The following COG5 variants were observed in gnomAD, a reference collection of about 807,000 sequenced individuals.
COG5 encodes conserved oligomeric Golgi complex subunit 5.
COG5 carries 86 observed loss-of-function variants against 110.4 expected under a neutral mutation model. The observed-to-expected ratio is 0.78, with a 90% CI of 0.65 to 0.93. The LOEUF is 0.93. Among genes scored for constraint, COG5 ranks in the 40% least tolerant of loss-of-function variants. The pLI is 0.00. For synonymous variants in COG5, 360 were observed against 334.6 expected, an observed-to-expected ratio of 1.08 and a Z score of -0.83; for missense variants, 1,077 against 987.0, an observed-to-expected ratio of 1.09 and a Z score of -1.22.
intron 16 of COG5, 85 bp from the exon 17 acceptor site, chr7:107,248,584 T>A (rs1584570570): frequency 1.2e-6 from 1 of 865,002 alleles, no homozygotes; most frequent in African/African-American, 1.7e-5. Context: ...AGAAACACCG[T>A]GACTAACAGT....
chr7:107,388,198 A>T (rs1413648884), intron 7 of COG5, among the ~76,000 whole-genome samples: 1 of 152,226 alleles, frequency 6.6e-6, no homozygotes, highest in Non-Finnish European at 1.5e-5. Flanking sequence ...ACCCTAGAGA[A>T]TTAGAACCTA....
chr7:107,515,349 T>C lies in COG5; in HGVS notation c.538+11888A>G, dbSNP rs180957350. ...AAGCAGACTTCATAAAACGAAGAGATTGATTCAGCCAAGAACATTAAAAAA... is the reference window on the plus strand; with the variant it reads ...AAGCAGACTTCATAAAACGAAGAGACTGATTCAGCCAAGAACATTAAAAAA... On this transcript the variant is annotated intron_variant, in intron 6 of 21. Coordinates refer to ENST00000297135, the MANE Select transcript of COG5 (RefSeq NM_006348.5). Among the ~76,000 whole-genome samples the C allele has an allele frequency of 1.8e-3, 281 of 152,218 alleles. 2 individuals are homozygous for C. The highest frequency in any genetic ancestry group is 6.5e-3 in the African/African-American group (272 of 41,556).
At chr7:107,476,138 C>T (rs1421517794) in intron 6 of COG5, among the ~76,000 whole-genome samples, 1 of 131,550 alleles carries the variant, frequency 7.6e-6, no homozygotes, top group African/African-American at 2.9e-5. Flanking sequence ...CCTCACTTTG[C>T]TTAAGTCTAA....
At chr7:107,548,668 T>G (rs943206212) in intron 3 of COG5, among the ~76,000 whole-genome samples, 1 of 152,224 alleles carries the variant, frequency 6.6e-6, no homozygotes, top group Non-Finnish European at 1.5e-5. Flanking sequence ...CTGAATTGTA[T>G]GTTTTAAAAT....
intron 6 of COG5, among the ~76,000 whole-genome samples, chr7:107,462,611 TAAAAAAAAA>T (rs370588173): frequency 1.8e-5 from 2 of 112,110 alleles, no homozygotes; most frequent in Admixed American, 1.9e-4. Context: ...GAAAAATGCC[TAAAAAAAAA>T]AAAAAAAAAA....
At chr7:107,411,569 A>G (rs1160799353) in intron 7 of COG5, among the ~76,000 whole-genome samples, 1 of 152,146 alleles carries the variant, frequency 6.6e-6, no homozygotes, top group East Asian at 1.9e-4. Context: ...TTTCACAGGT[A>G]TGTTCACACT....
At chr7:107,404,002 T>G (rs568605420) in intron 7 of COG5, among the ~76,000 whole-genome samples, 1 of 152,228 alleles carries the variant, frequency 6.6e-6, no homozygotes, top group South Asian at 2.1e-4. Context: ...CAACAGAAAG[T>G]AACAATTTAG....
chr7:107,357,908 A>T (rs142452424), intron 10 of COG5, among the ~76,000 whole-genome samples: 3 of 152,274 alleles, frequency 2.0e-5, no homozygotes, highest in African/African-American at 7.2e-5. Flanking sequence ...GCATCAAAAG[A>T]TTCTCTCACC....
At chr7:107,432,321 G>C (rs900335277) in intron 6 of COG5, among the ~76,000 whole-genome samples, 1 of 152,146 alleles carries the variant, frequency 6.6e-6, no homozygotes, top group Non-Finnish European at 1.5e-5. Context: ...AACACAGAGA[G>C]GTCAGACAAA....
intron 6 of COG5, among the ~76,000 whole-genome samples, chr7:107,422,297 T>G (rs1462867575): frequency 2.6e-5 from 4 of 152,246 alleles, no homozygotes; most frequent in Admixed American, 2.0e-4. Context: ...CCCAGGCTGT[T>G]GATTTTTAAG....
chr7:107,359,865 C>T (rs1240047901), intron 10 of COG5, among the ~76,000 whole-genome samples: 2 of 152,076 alleles, frequency 1.3e-5, no homozygotes, highest in East Asian at 3.9e-4. Flanking sequence ...GGGACCTACC[C>T]ACTCCAGGTC....
In COG5 at chr7:107,475,654, A is replaced by T. The variant is rs920382811; in HGVS notation, c.538+51583T>A. ...TTTTAAGGAATAAATACATAGCCTT[A>T]AAACAGTGTATAACTTTAAAATGTA... On this transcript the variant is annotated intron_variant, in intron 6 of 21. Transcript: ENST00000297135. The T allele has an allele frequency of 5.8e-5, 14 of 242,846 alleles. No individual in the cohort carries two copies. The South Asian group carries it at 1.8e-3, about 32-fold the overall frequency. 15.0% of individuals were successfully genotyped at this position (242,846 alleles called of 1,614,324 possible).
Position 107,474,418 on chromosome 7 carries a change from G to T in COG5, c.538+52819C>A. ...TGCTCTCATTTGCTGTTTCCATGAG[G>T]CTTGTGTATCTTTTGCAAGTGTCTC... On this transcript the variant is annotated intron_variant, in intron 6 of 21. Coordinates refer to ENST00000297135, the MANE Select transcript of COG5 (RefSeq NM_006348.5). This position sits in a 1 kb window ranked among gnomAD's most constrained non-coding sequence, Gnocchi z 5.7. 6.2e-7 allele frequency: 1 copy of T among 1,613,016 alleles called. No individual in the cohort carries two copies. The highest frequency in any genetic ancestry group is 8.5e-7 in the Non-Finnish European group (1 of 1,179,308).
At chr7:107,300,466 ACTGAATTTAG>A (rs1260118144) in intron 11 of COG5, among the ~76,000 whole-genome samples, 1 of 152,204 alleles carries the variant, frequency 6.6e-6, no homozygotes, top group African/African-American at 2.4e-5. Context: ...TAACATAATA[ACTGAATTTAG>A]CAAAGTTGCA....
At chr7:107,498,142 T>C (rs1212977847) in intron 6 of COG5, among the ~76,000 whole-genome samples, 1 of 152,178 alleles carries the variant, frequency 6.6e-6, no homozygotes, top group East Asian at 1.9e-4. Flanking sequence ...TCAGAATGGC[T>C]TAATGATTTA....
chr7:107,246,138 G>T (rs1444307622), intron 17 of COG5, among the ~76,000 whole-genome samples: 3 of 152,192 alleles, frequency 2.0e-5, no homozygotes, highest in African/African-American at 7.2e-5. Context: ...TCAAGAAATG[G>T]TGCTGGGCTA....
At chr7:107,280,261 T>C (rs562130648) in intron 14 of COG5, among the ~76,000 whole-genome samples, 28 of 152,198 alleles carry the variant, frequency 1.8e-4, no homozygotes, top group African/African-American at 6.5e-4. Flanking sequence ...GCTTCTAAGA[T>C]GATTTTGTCA....
intron 17 of COG5, among the ~76,000 whole-genome samples, chr7:107,242,882 C>A (rs535009616): frequency 6.6e-6 from 1 of 152,274 alleles, no homozygotes; most frequent in South Asian, 2.1e-4. Flanking sequence ...CGACCCTTGG[C>A]CACAGCCACT....
chr7:107,395,917 G>C (rs980641988), intron 7 of COG5, among the ~76,000 whole-genome samples: 1 of 152,026 alleles, frequency 6.6e-6, no homozygotes, highest in African/African-American at 2.4e-5. Context: ...AAATTAGGCC[G>C]ATTTTCAGGT....
Sources: allele counts gnomAD v4.1 joint callset (sites outside exome capture counted in the v4.1 genomes callset), GRCh38; gene constraint gnomAD v4.1.1; non-coding constraint Gnocchi (gnomAD v3.1); transcripts MANE v1.5; gene names NCBI Gene and HGNC (gene_info 2026-07-23, HGNC 2026-07-21).